Variants in TMEM178B observed in about 807,000 individuals in gnomAD.
The protein encoded by TMEM178B is transmembrane protein 178B.
Under a neutral mutation model 31.0 loss-of-function variants are expected in TMEM178B, and 5 were observed. The ratio of observed to expected loss-of-function variants is 0.16; its 90% CI spans 0.08 to 0.34. The LOEUF (loss-of-function observed/expected upper bound fraction) is 0.34, where lower values mean the gene tolerates loss of function less well. TMEM178B is among the 10% of genes least tolerant of loss of function. The pLI, the probability that TMEM178B is intolerant of heterozygous loss-of-function variation, is 1.00. For synonymous variants in TMEM178B, 164 were observed against 164.0 expected, an observed-to-expected ratio of 1.00 and a Z score of 0.00; for missense variants, 275 against 400.3, an observed-to-expected ratio of 0.69 and a Z score of 2.67.
chr7:141,175,136 G>A (rs765766577), intron 1 of TMEM178B, among the ~76,000 whole-genome samples: 3 of 152,118 alleles, frequency 2.0e-5, no homozygotes, highest in Non-Finnish European at 2.9e-5. Context: ...GTTAATTTTT[G>A]TATGGGGTGT....
intron 2 of TMEM178B, among the ~76,000 whole-genome samples, chr7:141,407,984 T>A (rs941027879): frequency 1.3e-5 from 2 of 152,074 alleles, no homozygotes; most frequent in Non-Finnish European, 2.9e-5. Flanking sequence ...TGTAGGCAGG[T>A]CTCCTTTTCC....
Position 141,215,862 on chromosome 7 carries a change from T to C in TMEM178B, c.496+3158T>C, listed in dbSNP as rs541158757. On this transcript the variant is annotated intron_variant, in intron 2 of 3. Transcript: ENST00000565468. The stretch of plus-strand genomic sequence containing the variant: ...TCTTTTCTTTTCTTTTCTTTCTCTT[T>C]CTTTCTTTTCCTCCTTCCTTCCTTC... 6.2e-5 allele frequency among the ~76,000 whole-genome samples: 8 copies of C among 129,358 alleles called. No homozygotes were observed. In the East Asian group the frequency reaches 2.0e-3, roughly 32 times the overall value. The allele number at this position is 129,358 out of a possible 152,430, so 84.9% of individuals were successfully genotyped here. A position where few individuals can be genotyped will look rare whatever the true frequency, so the allele number is the denominator to read the frequency against.
intron 3 of TMEM178B, among the ~76,000 whole-genome samples, chr7:141,459,586 G>A (rs949744082): frequency 6.6e-6 from 1 of 152,204 alleles, no homozygotes; most frequent in African/African-American, 2.4e-5. Flanking sequence ...CATACTTGGG[G>A]AAGATGTCTT....
intron 2 of TMEM178B, among the ~76,000 whole-genome samples, chr7:141,360,798 G>T (rs1436774063): frequency 6.6e-6 from 1 of 152,138 alleles, no homozygotes; most frequent in Admixed American, 6.5e-5. Flanking sequence ...ATTTAGGTTG[G>T]AATCAAGTTC....
At chr7:141,253,614 G>A (rs1409625809) in intron 2 of TMEM178B, among the ~76,000 whole-genome samples, 1 of 144,030 alleles carries the variant, frequency 6.9e-6, no homozygotes, top group East Asian at 2.1e-4. Flanking sequence ...GCAATAGCAG[G>A]ATCTCAGCTC....
Position 141,185,604 on chromosome 7 carries a change from A to G in TMEM178B, c.383-26987A>G, listed in dbSNP as rs114604536. Among the ~76,000 whole-genome samples, 1,510 of 152,090 alleles carry G rather than the reference A, an allele frequency of 9.9e-3. 30 individuals carry two copies. Among genetic ancestry groups the G allele is most frequent in the African/African-American group, 0.034 (1,402 of 41,492 alleles). On this transcript the variant is annotated intron_variant, in intron 1 of 3. Transcript: ENST00000565468. ...TCCAGCTGCTTGTGTCTTCTTCCGC[A>G]GATACGTTCCTCTCGACGTCCAGCT...
chr7:141,203,768 G>A (rs944247659), intron 1 of TMEM178B, among the ~76,000 whole-genome samples: 8 of 152,184 alleles, frequency 5.3e-5, no homozygotes, highest in African/African-American at 1.9e-4. Context: ...CCTTCCTGAG[G>A]TTGTCATGGG....
intron 1 of TMEM178B, among the ~76,000 whole-genome samples, chr7:141,151,158 A>G (rs552531544): frequency 6.6e-6 from 1 of 151,870 alleles, no homozygotes; most frequent in South Asian, 2.1e-4. Context: ...ACTGTCACTG[A>G]CTCTCCCCTT....
intron 1 of TMEM178B, among the ~76,000 whole-genome samples, chr7:141,150,095 T>C (rs1410852462): frequency 6.6e-6 from 1 of 151,998 alleles, no homozygotes; most frequent in Admixed American, 6.6e-5. Context: ...GGAAAGACTA[T>C]GGATGGAGCA....
At chr7:141,115,387 C>G (rs1397122603) in intron 1 of TMEM178B, among the ~76,000 whole-genome samples, 1 of 151,926 alleles carries the variant, frequency 6.6e-6, no homozygotes, top group Non-Finnish European at 1.5e-5. Context: ...AGAGGGGACT[C>G]CAGTGTTATG....
At chr7:141,466,527 G>A (rs187783420) in intron 3 of TMEM178B, among the ~76,000 whole-genome samples, 235 of 152,284 alleles carry the variant, frequency 1.5e-3, no homozygotes, top group African/African-American at 4.9e-3. Context: ...TGAGGTTGAC[G>A]TCCTGTTTCA....
At chr7:141,380,835 AT>A (rs1398221546) in intron 2 of TMEM178B, among the ~76,000 whole-genome samples, 1 of 152,220 alleles carries the variant, frequency 6.6e-6, no homozygotes, top group African/African-American at 2.4e-5. Context: ...CAGCATGCTA[AT>A]CTCTGCATTT....
chr7:141,328,697 C>T (rs928135033), intron 2 of TMEM178B, among the ~76,000 whole-genome samples: 11 of 152,350 alleles, frequency 7.2e-5, no homozygotes, highest in African/African-American at 2.6e-4. Flanking sequence ...CAAATCTTCT[C>T]TGACATGGGC....
intron 2 of TMEM178B, among the ~76,000 whole-genome samples, chr7:141,434,046 A>T (rs764910274): frequency 4.6e-5 from 7 of 152,186 alleles, no homozygotes; most frequent in Admixed American, 6.5e-5. Context: ...TGGAACACAG[A>T]CTTTTGGAAG....
chr7:141,433,356 G>A (rs1276294242), intron 2 of TMEM178B, among the ~76,000 whole-genome samples: 1 of 152,188 alleles, frequency 6.6e-6, no homozygotes, highest in Non-Finnish European at 1.5e-5. Flanking sequence ...GCCTTTTGGG[G>A]ATTCCACAAG....
chr7:141,133,937 T>A (rs892200389), intron 1 of TMEM178B, among the ~76,000 whole-genome samples: 1 of 152,212 alleles, frequency 6.6e-6, no homozygotes, highest in Non-Finnish European at 1.5e-5. Context: ...GGATGATATA[T>A]TCAAAATGTT....
chr7:141,143,364 C>A (rs1586793154), intron 1 of TMEM178B, among the ~76,000 whole-genome samples: 2 of 152,158 alleles, frequency 1.3e-5, no homozygotes, highest in African/African-American at 4.8e-5. Flanking sequence ...ACATTTAAAT[C>A]TTTCATCTAT....
intron 2 of TMEM178B, among the ~76,000 whole-genome samples, chr7:141,338,745 A>G (rs1212520189): frequency 6.6e-6 from 1 of 152,190 alleles, no homozygotes; most frequent in African/African-American, 2.4e-5. Flanking sequence ...TGGGTGGGGT[A>G]TGCAGAGGGT....
intron 2 of TMEM178B, among the ~76,000 whole-genome samples, chr7:141,390,489 C>T (rs1800514620): frequency 6.6e-6 from 1 of 152,232 alleles, no homozygotes; most frequent in African/African-American, 2.4e-5. Context: ...TGCTGAAATC[C>T]TCTCCTACTC....
Sources: gnomAD v4.1 joint callset for allele counts (sites outside exome capture counted in the v4.1 genomes callset) on GRCh38, gnomAD v4.1.1 for gene constraint, MANE v1.5 for transcripts, NCBI Gene and HGNC (gene_info 2026-07-23, HGNC 2026-07-21) for gene names.